Variants in ATXN10 observed in about 807,000 individuals in gnomAD.
ATXN10 encodes the protein ataxin 10, also known as ataxin-10.
In ATXN10, 28 loss-of-function variants were observed where a neutral mutation model predicts 52.9. That is an observed-to-expected ratio of 0.53 (90% CI 0.39 to 0.73). The LOEUF is 0.73. ATXN10 is among the 30% of genes least tolerant of loss of function. ATXN10 has a pLI of 0.00. For missense variants in ATXN10, 565 were observed against 577.0 expected (o/e 0.98, Z 0.21); for synonymous variants, 226 against 221.5 (o/e 1.02, Z -0.18).
intron 9 of ATXN10, among the ~76,000 whole-genome samples, chr22:45,797,605 C>G (rs935322792): frequency 1.3e-5 from 2 of 152,152 alleles, no homozygotes; most frequent in Non-Finnish European, 2.9e-5. Flanking sequence ...GATTTAAGAT[C>G]AGTCATCTTA....
chr22:45,738,042 G>A (rs1268827933), intron 7 of ATXN10, among the ~76,000 whole-genome samples: 1 of 152,024 alleles, frequency 6.6e-6, no homozygotes, highest in Non-Finnish European at 1.5e-5. Flanking sequence ...TTTAAAAATG[G>A]GGTTCAAAAT....
intron 10 of ATXN10, among the ~76,000 whole-genome samples, chr22:45,821,423 G>A (rs1928645307): frequency 6.6e-6 from 1 of 151,588 alleles, no homozygotes; most frequent in Admixed American, 6.6e-5. Flanking sequence ...AAATCCTAAT[G>A]GGTTTTCAAG....
At chr22:45,748,041 T>C (rs1443810675) in intron 9 of ATXN10, among the ~76,000 whole-genome samples, 1 of 152,026 alleles carries the variant, frequency 6.6e-6, no homozygotes, top group African/African-American at 2.4e-5. Context: ...TCTAAAAAAA[T>C]TAAAAAATTA....
At chr22:45,755,223 C>T (rs554145535) in intron 9 of ATXN10, among the ~76,000 whole-genome samples, 48 of 152,370 alleles carry the variant, frequency 3.2e-4, no homozygotes, top group Non-Finnish European at 1.2e-4. Context: ...CTGATTTCTC[C>T]ATGACCCTCT....
chr22:45,715,681 C>T lies in ATXN10; in HGVS notation c.648-2732C>T, dbSNP rs568137799. On this transcript the variant is annotated intron_variant, in intron 5 of 11. Transcript: ENST00000252934. The surrounding 1 kb of genome is among the most constrained non-coding windows in gnomAD (Gnocchi z 4.4). ...TGGTAGTACTGTCGTAGGTAGCCACCTTCACCTGAGTGATATTTATAGACC... is the reference window on the plus strand; with the variant it reads ...TGGTAGTACTGTCGTAGGTAGCCACTTTCACCTGAGTGATATTTATAGACC... Among the ~76,000 whole-genome samples the T allele has an allele frequency of 6.6e-6, 1 of 152,308 alleles. No homozygotes were observed. Among genetic ancestry groups the T allele is most frequent in the South Asian group, 2.1e-4 (1 of 4,820 alleles).
chr22:45,682,556 C>T (rs1441491226), intron 1 of ATXN10, among the ~76,000 whole-genome samples: 2 of 152,114 alleles, frequency 1.3e-5, no homozygotes, highest in African/African-American at 2.4e-5. Context: ...GTGATCCACC[C>T]ACCTTGGCCT....
At position 45,733,351 on chromosome 22, in the gene ATXN10, A is replaced by C. The variant is rs1925160461; in HGVS notation, c.894+3761A>C. On this transcript the variant is annotated intron_variant, in intron 7 of 11. Transcript: ENST00000252934. The surrounding 1 kb of genome is among the most constrained non-coding windows in gnomAD (Gnocchi z 4.4). ...CTACAATAAATAGTGTATTTTTTCC[A>C]CATATTAAGGGCTTAAATTTTTGTA... Among the ~76,000 whole-genome samples, 1 of 152,170 alleles carries C rather than the reference A, an allele frequency of 6.6e-6. No individual in the cohort carries two copies. The highest frequency in any genetic ancestry group is 1.5e-5 in the Non-Finnish European group (1 of 68,038).
At chr22:45,817,155 C>G (rs1928488808) in intron 10 of ATXN10, among the ~76,000 whole-genome samples, 1 of 152,104 alleles carries the variant, frequency 6.6e-6, no homozygotes, top group East Asian at 1.9e-4. Flanking sequence ...CAAAGCCAGC[C>G]TTTCTTCCTC....
intron 2 of ATXN10, among the ~76,000 whole-genome samples, chr22:45,691,940 G>A (rs139717749): frequency 1.3e-5 from 2 of 152,206 alleles, no homozygotes; most frequent in East Asian, 3.9e-4. Flanking sequence ...CTTACACACT[G>A]GTCTTGTTGT....
Position 45,712,178 on chromosome 22 carries a change from C to T in ATXN10, c.648-6235C>T, listed in dbSNP as rs1480046844. Among the ~76,000 whole-genome samples, 1 of 152,148 alleles carries T rather than the reference C, an allele frequency of 6.6e-6. No homozygotes were observed. Among genetic ancestry groups the T allele is most frequent in the Non-Finnish European group, 1.5e-5 (1 of 68,030 alleles). Reference sequence around the variant, plus strand: ...AGGGTGTGCAGTCAGGTGACCTCCCCTGGGGGCACAGGCTGTCAGGTTTGG... The same window carrying T: ...AGGGTGTGCAGTCAGGTGACCTCCCTTGGGGGCACAGGCTGTCAGGTTTGG... On this transcript the variant is annotated intron_variant, in intron 5 of 11. Coordinates refer to ENST00000252934, the MANE Select transcript of ATXN10 (RefSeq NM_013236.4). The surrounding 1 kb of genome is among the most constrained non-coding windows in gnomAD (Gnocchi z 4.6).
chr22:45,792,875 G>T, intron 9 of ATXN10: 2 of 501,200 alleles, frequency 4.0e-6, no homozygotes, highest in Middle Eastern at 3.5e-4. Flanking sequence ...TACTGACTTT[G>T]TTAAATTCTT....
At chr22:45,702,610 T>C in intron 4 of ATXN10, 79 bp from the exon 5 acceptor site, 1 of 1,373,596 alleles carries the variant, frequency 7.3e-7, no homozygotes, top group South Asian at 1.2e-5. Flanking sequence ...GTAGTGAATT[T>C]GACAATGGTA....
rs116195312 is a variant in ATXN10 at position 45,713,983 on chromosome 22, A to G, written c.648-4430A>G. 3.5e-3 allele frequency among the ~76,000 whole-genome samples: 526 copies of G among 152,298 alleles called. 3 individuals carry two copies. The highest frequency in any genetic ancestry group is 0.011 in the African/African-American group (458 of 41,554). ...TGCACATGTCATATCGCATGTGGAC[A>G]AGTAATGATTGTAGAATAAATTCAT... On this transcript the variant is annotated intron_variant, in intron 5 of 11. Coordinates refer to ENST00000252934, the MANE Select transcript of ATXN10 (RefSeq NM_013236.4).
chr22:45,704,722 C>T (rs1923972906), intron 5 of ATXN10, among the ~76,000 whole-genome samples: 1 of 152,110 alleles, frequency 6.6e-6, no homozygotes, highest in South Asian at 2.1e-4. Flanking sequence ...GTGCCATCTG[C>T]AAGTAGGTAA....
rs977733055 is a variant in ATXN10, at chr22:45,842,285, G to A, written c.1238-706G>A. 1.3e-5 allele frequency among the ~76,000 whole-genome samples: 2 copies of A among 152,164 alleles called. No homozygotes were observed. The highest frequency in any genetic ancestry group is 6.5e-5 in the Admixed American group (1 of 15,282). The stretch of plus-strand genomic sequence containing the variant: ...ATCAAATGCCCTACTCAGTGATGTG[G>A]CGATGCTATCCCAGTCTTCGTAGGT... On this transcript the variant is annotated intron_variant, in intron 10 of 11. Coordinates refer to ENST00000252934, the MANE Select transcript of ATXN10 (RefSeq NM_013236.4). This position sits in a 1 kb window ranked among gnomAD's most constrained non-coding sequence, Gnocchi z 4.8.
At position 45,793,790 on chromosome 22, in the gene ATXN10, A is replaced by T. The variant is rs555046922; in HGVS notation, c.1174-13169A>T. On this transcript the variant is annotated intron_variant, in intron 9 of 11. Transcript: ENST00000252934. The stretch of plus-strand genomic sequence containing the variant: ...GTGATGCAGGACAGGTAAGCCCCCA[A>T]ATTGGGACTTAGCCTGGGAAGGTTC... 3.8e-6 allele frequency: 5 copies of T among 1,321,938 alleles called. No individual in the cohort carries two copies. In the East Asian group the frequency reaches 1.2e-4, roughly 32 times the overall value. 81.9% of individuals were successfully genotyped at this position (1,321,938 alleles called of 1,614,324 possible).
At chr22:45,800,746 TAAAC>T (rs1467912624) in intron 9 of ATXN10, among the ~76,000 whole-genome samples, 13 of 152,136 alleles carry the variant, frequency 8.5e-5, no homozygotes, top group Admixed American at 5.2e-4. Context: ...TAATTAGAAA[TAAAC>T]AAAAATCAAT....
chr22:45,740,641 A>G, intron 9 of ATXN10, 103 bp downstream of exon 9: 1 of 1,014,158 alleles, frequency 9.9e-7, no homozygotes, highest in Non-Finnish European at 1.5e-6. Flanking sequence ...AGGTGCTTAG[A>G]AAGTAGCTTG....
rs1368394132 is a variant in ATXN10 at position 45,732,270 on chromosome 22, A to T, written c.894+2680A>T. On this transcript the variant is annotated intron_variant, in intron 7 of 11. Coordinates refer to ENST00000252934, the MANE Select transcript of ATXN10 (RefSeq NM_013236.4). The surrounding 1 kb of genome is among the most constrained non-coding windows in gnomAD (Gnocchi z 4.5). ...GGAGTTGGAGACCAGCCTGGGCAAC[A>T]TAAGGAGACTCCATCTGTACAAAAA... Among the ~76,000 whole-genome samples, 1 of 151,514 alleles carries T rather than the reference A, an allele frequency of 6.6e-6. No individual in the cohort carries two copies. The highest frequency in any genetic ancestry group is 1.5e-5 in the Non-Finnish European group (1 of 67,986).
Sources: allele counts gnomAD v4.1 joint callset (sites outside exome capture counted in the v4.1 genomes callset), GRCh38; gene constraint gnomAD v4.1.1; non-coding constraint Gnocchi (gnomAD v3.1); transcripts MANE v1.5; gene names NCBI Gene and HGNC (gene_info 2026-07-23, HGNC 2026-07-21).